The following LTBP1 variants were observed in gnomAD, a reference collection of about 807,000 sequenced individuals.
The protein encoded by LTBP1 is latent transforming growth factor beta binding protein 1.
In LTBP1, 129 loss-of-function variants were observed where a neutral mutation model predicts 207.6. The ratio of observed to expected loss-of-function variants is 0.62; its 90% CI spans 0.54 to 0.72. The LOEUF (loss-of-function observed/expected upper bound fraction) is 0.72, where lower values mean the gene tolerates loss of function less well. Among genes scored for constraint, LTBP1 ranks in the 30% least tolerant of loss-of-function variants. The pLI is 0.00. For missense variants in LTBP1, 2,281 were observed against 2,217.2 expected, an observed-to-expected ratio of 1.03 and a Z score of -0.58; for synonymous variants, 963 against 833.7, an observed-to-expected ratio of 1.16 and a Z score of -2.67.
intron 9 of LTBP1, among the ~76,000 whole-genome samples, chr2:33,222,956 A>G (rs1467969046): frequency 6.6e-6 from 1 of 152,212 alleles, no homozygotes; most frequent in Non-Finnish European, 1.5e-5. Context: ...GGAAATATGT[A>G]TACATTGAAA....
At chr2:33,293,995 CTTTTT>C (rs71409607) in intron 20 of LTBP1, among the ~76,000 whole-genome samples, 1 of 48,808 alleles carries the variant, frequency 2.0e-5, no homozygotes, top group African/African-American at 8.7e-5. Flanking sequence ...TGGTACAGGT[CTTTTT>C]TTTTTTTTTT....
intron 4 of LTBP1, among the ~76,000 whole-genome samples, chr2:33,117,262 A>G (rs1434125951): frequency 6.6e-6 from 1 of 152,174 alleles, no homozygotes; most frequent in Non-Finnish European, 1.5e-5. Flanking sequence ...CTTCTTTCTA[A>G]CTTTTATTAA....
chr2:33,299,884 C>G (rs899323220), intron 20 of LTBP1, among the ~76,000 whole-genome samples: 3 of 152,160 alleles, frequency 2.0e-5, no homozygotes, highest in Non-Finnish European at 2.9e-5. Context: ...TTATCACTTT[C>G]TCCTTTGGTA....
chr2:33,063,387 C>T (rs1387182872), intron 3 of LTBP1, among the ~76,000 whole-genome samples: 1 of 152,102 alleles, frequency 6.6e-6, no homozygotes, highest in African/African-American at 2.4e-5. Flanking sequence ...GATCTTGCAG[C>T]AGATTGAATG....
At chr2:33,085,560 G>A (rs2149938508) in intron 3 of LTBP1, among the ~76,000 whole-genome samples, 1 of 152,254 alleles carries the variant, frequency 6.6e-6, no homozygotes, top group Middle Eastern at 3.4e-3. Flanking sequence ...TGTGTTGAGT[G>A]CTTTTTGTGT....
At chr2:33,310,130 T>A (rs1233448873) in intron 23 of LTBP1, among the ~76,000 whole-genome samples, 4 of 152,178 alleles carry the variant, frequency 2.6e-5, no homozygotes, top group Middle Eastern at 3.4e-3. Flanking sequence ...GTATTTTTAC[T>A]GGAGACGGGG....
At chr2:32,973,361 C>G (rs1219163288) in intron 2 of LTBP1, among the ~76,000 whole-genome samples, 2 of 152,104 alleles carry the variant, frequency 1.3e-5, no homozygotes, top group African/African-American at 4.8e-5. Flanking sequence ...ATTAAATTTT[C>G]TTGTTGAATT....
intron 5 of LTBP1, among the ~76,000 whole-genome samples, chr2:33,157,959 T>C (rs1407799508): frequency 6.6e-6 from 1 of 151,976 alleles, no homozygotes; most frequent in Non-Finnish European, 1.5e-5. Context: ...ATGGCCAACA[T>C]GGGGAAACCC....
intron 12 of LTBP1, among the ~76,000 whole-genome samples, chr2:33,258,029 T>C (rs570509438): frequency 2.5e-4 from 38 of 152,278 alleles, no homozygotes; most frequent in Admixed American, 2.2e-3. Flanking sequence ...ACCTGAGACC[T>C]AGAGAGGGGA....
chr2:33,209,058 A>G (rs1294077912), intron 7 of LTBP1, among the ~76,000 whole-genome samples: 1 of 151,684 alleles, frequency 6.6e-6, no homozygotes, highest in Non-Finnish European at 1.5e-5. Flanking sequence ...TTTTTAGTAG[A>G]GACTGGGTTT....
At chr2:33,390,393 A>G (rs924180181) in intron 32 of LTBP1, among the ~76,000 whole-genome samples, 2 of 152,204 alleles carry the variant, frequency 1.3e-5, no homozygotes, top group Admixed American at 6.5e-5. Flanking sequence ...AGTAGATAGT[A>G]GATAGTCTCA....
At chr2:33,077,676 T>C (rs2078159163) in intron 3 of LTBP1, among the ~76,000 whole-genome samples, 1 of 152,160 alleles carries the variant, frequency 6.6e-6, no homozygotes, top group Admixed American at 6.6e-5. Flanking sequence ...ATATTGGGGA[T>C]TATAATTCGA....
At chr2:33,310,054 T>A (rs1389399368) in intron 23 of LTBP1, among the ~76,000 whole-genome samples, 1 of 151,968 alleles carries the variant, frequency 6.6e-6, no homozygotes, top group Admixed American at 6.6e-5. Context: ...TTCAAGCGAT[T>A]CTCCTGCCTC....
chr2:33,263,761 G>A (rs546077323), intron 15 of LTBP1, among the ~76,000 whole-genome samples: 25 of 151,934 alleles, frequency 1.6e-4, no homozygotes, highest in Non-Finnish European at 2.5e-4. Flanking sequence ...AGACCATCCT[G>A]GCCAACATGG....
chr2:33,140,510 G>T (rs1189413060), intron 5 of LTBP1, among the ~76,000 whole-genome samples: 2 of 152,048 alleles, frequency 1.3e-5, no homozygotes, highest in Non-Finnish European at 2.9e-5. Context: ...AAAGAAAGTG[G>T]TTGCTTTTCC....
chr2:33,397,185 T>C lies in LTBP1; in HGVS notation c.4887T>C (p.Asn1629=). Reference sequence around the variant, plus strand: ...AGGCTGAGGAATGCGGCATCCTCAATGGATGTGAAAATGGTCGCTGTGTGA... The same window carrying C: ...AGGCTGAGGAATGCGGCATCCTCAACGGATGTGAAAATGGTCGCTGTGTGA... ...ELQAEECGIL[N]GCENGRCVRV... is the part of the protein sequence containing the mutation. The change falls in exon 33 of 34, where the codon AAT becomes AAC. Residue 1629 remains asparagine (N), a synonymous_variant. Transcript: ENST00000404816. 2.5e-6 allele frequency: 4 copies of C among 1,614,144 alleles called. No individual in the cohort carries two copies. The highest frequency in any genetic ancestry group is 3.3e-4 in the Middle Eastern group (2 of 6,058).
At chr2:33,161,512 C>G (rs1386946818) in intron 5 of LTBP1, among the ~76,000 whole-genome samples, 1 of 152,192 alleles carries the variant, frequency 6.6e-6, no homozygotes, top group Non-Finnish European at 1.5e-5. Context: ...CGTGATCCAC[C>G]TGCCTCAGCC....
In LTBP1 at chr2:33,398,431, C is replaced by T. The variant is rs113896201; in HGVS notation, c.5052C>T (p.Thr1684=). 507 of 1,614,140 alleles carry T rather than the reference C, an allele frequency of 3.1e-4. 5 individuals are homozygous for T. The African/African-American group carries it at 5.6e-3, about 18-fold the overall frequency. The change falls in exon 34 of 34, where the codon ACC becomes ACT. Residue 1684 remains threonine (T), a synonymous_variant. Transcript: ENST00000404816. ...GCAAGAATGCCAAGTGCATTAACAC[C>T]GATGGTTCCTACAAGTGTTTGTGTC... ...SLCKNAKCIN[T]DGSYKCLCLP...
At chr2:33,025,456 TG>T (rs2075371101) in intron 3 of LTBP1, among the ~76,000 whole-genome samples, 1 of 152,076 alleles carries the variant, frequency 6.6e-6, no homozygotes, top group African/African-American at 2.4e-5. Context: ...AAAAAAGTAA[TG>T]GAAGGACGCC....
Sources: allele counts gnomAD v4.1 joint callset (sites outside exome capture counted in the v4.1 genomes callset), GRCh38; gene constraint gnomAD v4.1.1; transcripts MANE v1.5; gene names NCBI Gene and HGNC (gene_info 2026-07-23, HGNC 2026-07-21).